GK5: variants seen among roughly 807,000 people sequenced by gnomAD.
The protein encoded by GK5 is ATP:glycerol 3-phosphotransferase 5.
A neutral mutation model predicts 77.3 loss-of-function variants in GK5; 39 were observed. That is an observed-to-expected ratio of 0.50 (90% confidence interval 0.39 to 0.66). The LOEUF (loss-of-function observed/expected upper bound fraction) is 0.66. Among genes scored for constraint, GK5 ranks in the 30% least tolerant of loss-of-function variants. The pLI is 0.00. For missense variants in GK5, 487 were observed against 633.8 expected, an observed-to-expected ratio of 0.77 and a Z score of 2.49; for synonymous variants, 211 against 208.0, an observed-to-expected ratio of 1.01 and a Z score of -0.13.
intron 12 of GK5, among the ~76,000 whole-genome samples, chr3:142,176,575 A>G (rs780658237): frequency 6.6e-6 from 1 of 152,082 alleles, no homozygotes; most frequent in African/African-American, 2.4e-5. Flanking sequence ...AATGTTACAA[A>G]ATCAAGACTT....
In GK5 at chr3:142,177,266, A is replaced by T. The variant is rs146610903; in HGVS notation, c.1143+216T>A. 6.6e-5 allele frequency among the ~76,000 whole-genome samples: 10 copies of T among 152,310 alleles called. No homozygotes were observed. In the East Asian group the frequency reaches 1.9e-3, roughly 29 times the overall value. ...CAGAAGTCAGCTGAATTCTACCAGC[A>T]CAAGCCAAGCCAGCAGGGCCACATT... On this transcript the variant is annotated intron_variant, in intron 12 of 15. Coordinates refer to ENST00000392993, the MANE Select transcript of GK5 (RefSeq NM_001039547.3).
chr3:142,181,157 G>C (rs1310663317), intron 11 of GK5, among the ~76,000 whole-genome samples: 2 of 152,056 alleles, frequency 1.3e-5, no homozygotes, highest in Non-Finnish European at 2.9e-5. Context: ...TAATTTTTCT[G>C]ACATATGCTA....
chr3:142,208,911 A>G (rs2064150143), intron 3 of GK5, among the ~76,000 whole-genome samples: 1 of 152,216 alleles, frequency 6.6e-6, no homozygotes, highest in African/African-American at 2.4e-5. Context: ...GCACTTTAGG[A>G]GGCCGAGGAA....
intron 4 of GK5, among the ~76,000 whole-genome samples, chr3:142,200,550 C>T (rs1460753885): frequency 1.3e-5 from 2 of 152,014 alleles, no homozygotes; most frequent in Non-Finnish European, 2.9e-5. Flanking sequence ...TTAAAGTGAC[C>T]ACCCATAAGC....
Position 142,177,422 on chromosome 3 carries a change from T to A in GK5, c.1143+60A>T, listed in dbSNP as rs919957964. The A allele has an allele frequency of 4.4e-6, 4 of 914,474 alleles. No homozygotes were observed. The African/African-American group carries it at 5.0e-5, about 11-fold the overall frequency. 56.6% of individuals were successfully genotyped at this position (914,474 alleles called of 1,614,324 possible). ...GTAACAGAATGGTAGATATATAAGT[T>A]TGGATGTGGCAGGAGGAGAAAAATA... On this transcript the variant is annotated intron_variant, in intron 12 of 15. Coordinates refer to ENST00000392993, the MANE Select transcript of GK5 (RefSeq NM_001039547.3).
intron 5 of GK5, among the ~76,000 whole-genome samples, chr3:142,195,065 T>G (rs2063913732): frequency 6.6e-6 from 1 of 152,050 alleles, no homozygotes; most frequent in Admixed American, 6.6e-5. Context: ...GTTGAGCATT[T>G]TATCATGAAG....
chr3:142,221,046 A>T (rs992118804), intron 1 of GK5, among the ~76,000 whole-genome samples: 1 of 152,214 alleles, frequency 6.6e-6, no homozygotes, highest in African/African-American at 2.4e-5. Context: ...GGTACCAAAA[A>T]AATGCAGATA....
At chr3:142,178,326 A>G (rs1308660995) in intron 11 of GK5, among the ~76,000 whole-genome samples, 2 of 152,240 alleles carry the variant, frequency 1.3e-5, no homozygotes, top group African/African-American at 4.8e-5. Context: ...ACTCCATCTA[A>G]TAAGTTAAAT....
At chr3:142,214,873 A>C (rs2064250157) in intron 2 of GK5, among the ~76,000 whole-genome samples, 1 of 152,216 alleles carries the variant, frequency 6.6e-6, no homozygotes, top group Non-Finnish European at 1.5e-5. Context: ...AGAAAGAAAA[A>C]AACAGTTTGC....
chr3:142,201,874 A>G (rs1414032924), intron 4 of GK5, among the ~76,000 whole-genome samples: 1 of 152,198 alleles, frequency 6.6e-6, no homozygotes, highest in African/African-American at 2.4e-5. Context: ...ATGTGTATCT[A>G]AGAATCTTTG....
In GK5 at chr3:142,164,825, A is replaced by G. The variant is rs1439429383; in HGVS notation, c.*797T>C. 6.6e-6 allele frequency: 1 copy of G among 152,238 alleles called. No homozygotes were observed. The highest frequency in any genetic ancestry group is 1.5e-5 in the Non-Finnish European group (1 of 68,036). 9.4% of individuals were successfully genotyped at this position (152,238 alleles called of 1,614,324 possible). On this transcript the variant is annotated 3_prime_UTR_variant, in exon 16 of 16. Coordinates refer to ENST00000392993, the MANE Select transcript of GK5 (RefSeq NM_001039547.3). ...ACAAGAGAAAGACAAGATTTATGTT[A>G]ACTACCAGCATGTTATACTTCAGCC...
chr3:142,216,004 A>T (rs1017716359), intron 1 of GK5, among the ~76,000 whole-genome samples: 2 of 152,030 alleles, frequency 1.3e-5, no homozygotes, highest in Non-Finnish European at 1.5e-5. Flanking sequence ...AATAAATTTT[A>T]AAAAAAGTGA....
At chr3:142,197,358 T>C (rs142593485) in intron 5 of GK5, among the ~76,000 whole-genome samples, 2 of 152,332 alleles carry the variant, frequency 1.3e-5, no homozygotes, top group African/African-American at 2.4e-5. Context: ...ATCTTATCAT[T>C]ATAAAATTCC....
At chr3:142,169,918 C>T (rs2063515757) in intron 15 of GK5, among the ~76,000 whole-genome samples, 1 of 152,150 alleles carries the variant, frequency 6.6e-6, no homozygotes, top group Non-Finnish European at 1.5e-5. Flanking sequence ...GGTGATCCAC[C>T]CGCTTCAGCC....
At chr3:142,215,816 G>A (rs945870614) in intron 1 of GK5, 124 bp from the exon 2 acceptor site, 10 of 564,464 alleles carry the variant, frequency 1.8e-5, no homozygotes, top group African/African-American at 1.2e-4. Flanking sequence ...AATTTTTATT[G>A]TTAAAATTGA....
At chr3:142,208,290 T>G (rs1219930519) in intron 3 of GK5, among the ~76,000 whole-genome samples, 3 of 152,242 alleles carry the variant, frequency 2.0e-5, no homozygotes, top group Non-Finnish European at 4.4e-5. Flanking sequence ...TGTCCTTTGA[T>G]ATATAAAGTC....
intron 13 of GK5, among the ~76,000 whole-genome samples, chr3:142,171,718 A>ATTTTGAACTTTTT (rs1269489912): frequency 1.3e-5 from 2 of 152,166 alleles, no homozygotes; most frequent in Non-Finnish European, 2.9e-5. Context: ...CATAATTTAT[A>ATTTTGAACTTTTT]TTTTACAACT....
intron 1 of GK5, among the ~76,000 whole-genome samples, chr3:142,218,554 A>G (rs2064304141): frequency 6.6e-6 from 1 of 151,526 alleles, no homozygotes. Flanking sequence ...AAAAAAAAAA[A>G]AAAAATCAAC....
intron 3 of GK5, among the ~76,000 whole-genome samples, chr3:142,206,199 A>C (rs528661987): frequency 2.9e-4 from 44 of 152,180 alleles, no homozygotes; most frequent in Admixed American, 1.2e-3. Flanking sequence ...CTCTTTGGTT[A>C]TCGTGATTAC....
Sources: gnomAD v4.1 joint callset for allele counts (sites outside exome capture counted in the v4.1 genomes callset) on GRCh38, gnomAD v4.1.1 for gene constraint, MANE v1.5 for transcripts, NCBI Gene and HGNC (gene_info 2026-07-23, HGNC 2026-07-21) for gene names.